The following TRIM5 variants were observed in gnomAD, a reference collection of about 807,000 sequenced individuals.
The protein encoded by TRIM5 is tripartite motif containing 5, also known as tripartite motif-containing protein 5.
A neutral mutation model predicts 35.6 loss-of-function variants in TRIM5; 31 were observed. The ratio of observed to expected loss-of-function variants is 0.87; its 90% confidence interval spans 0.65 to 1.18. TRIM5 has a LOEUF of 1.18. TRIM5 is among the 50% of genes most tolerant of loss of function. TRIM5 has a pLI of 0.00. For synonymous variants in TRIM5, 243 were observed against 215.6 expected, an observed-to-expected ratio of 1.13 and a Z score of -1.11; for missense variants, 609 against 591.6, an observed-to-expected ratio of 1.03 and a Z score of -0.31.
At chr11:5,611,161 C>T in the TRIM5 span, 8 of 1,614,136 alleles carry the variant, frequency 5.0e-6, no homozygotes, top group Middle Eastern at 1.6e-4. Context: ...ATGACAGTGC[C>T]CCCTCGCCGT....
chr11:5,594,206 C>G, the TRIM5 span, among the ~76,000 whole-genome samples: 2 of 152,210 alleles, frequency 1.3e-5, no homozygotes, highest in African/African-American at 4.8e-5. Flanking sequence ...CCCAATCTCC[C>G]TGTTCAAGAT....
At chr11:5,683,701 A>C (rs1590294416) in intron 1 of TRIM5, among the ~76,000 whole-genome samples, 1 of 152,118 alleles carries the variant, frequency 6.6e-6, no homozygotes, top group Admixed American at 6.5e-5. Context: ...GTATCTAGCT[A>C]ATCTAGTGGG....
the TRIM5 span, among the ~76,000 whole-genome samples, chr11:5,635,292 G>C: frequency 7.3e-6 from 1 of 137,128 alleles, no homozygotes. Flanking sequence ...GTCTCGCTCT[G>C]TCTCCCAGGC....
At chr11:5,660,055 C>T (rs1850761805), downstream of TRIM5, among the ~76,000 whole-genome samples, 1 of 152,104 alleles carries the variant, frequency 6.6e-6, no homozygotes, top group Non-Finnish European at 1.5e-5. Context: ...CGGCTCACTG[C>T]AACCTCTGCC....
chr11:5,599,672 G>A, the TRIM5 span, among the ~76,000 whole-genome samples: 1 of 151,906 alleles, frequency 6.6e-6, no homozygotes, highest in Non-Finnish European at 1.5e-5. Flanking sequence ...CAAAGTGCTG[G>A]GATTACAGGC....
chr11:5,603,488 G>A, the TRIM5 span: 2 of 1,614,096 alleles, frequency 1.2e-6, no homozygotes, highest in African/African-American at 2.7e-5. Context: ...TGCCCTGTGT[G>A]CCAGACCAGC....
chr11:5,627,456 C>T, the TRIM5 span, among the ~76,000 whole-genome samples: 1 of 152,052 alleles, frequency 6.6e-6, no homozygotes, highest in African/African-American at 2.4e-5. Flanking sequence ...GTGGTTTCTA[C>T]CAGAGTGGTG....
At chr11:5,637,905 G>A in the TRIM5 span, among the ~76,000 whole-genome samples, 9 of 152,262 alleles carry the variant, frequency 5.9e-5, no homozygotes, top group East Asian at 5.8e-4. Flanking sequence ...GGGCTACATG[G>A]TACTCATTAT....
At chr11:5,605,880 T>C in the TRIM5 span, among the ~76,000 whole-genome samples, 1 of 152,324 alleles carries the variant, frequency 6.6e-6, no homozygotes, top group South Asian at 2.1e-4. Flanking sequence ...CTATTTACAT[T>C]TCTGGCTGGA....
At chr11:5,633,412 T>C in the TRIM5 span, among the ~76,000 whole-genome samples, 1 of 152,146 alleles carries the variant, frequency 6.6e-6, no homozygotes, top group Non-Finnish European at 1.5e-5. Context: ...AATTTTTGTC[T>C]TGTTTTTTCC....
chr11:5,588,989 T>C, the TRIM5 span: 1 of 152,104 alleles, frequency 6.6e-6, no homozygotes, highest in Non-Finnish European at 1.5e-5. Flanking sequence ...TTTCACCATG[T>C]TGGCCAGGCT....
the TRIM5 span, among the ~76,000 whole-genome samples, chr11:5,593,317 T>C: frequency 6.6e-6 from 1 of 152,228 alleles, no homozygotes; most frequent in Non-Finnish European, 1.5e-5. Context: ...CTGGTAGTAA[T>C]GAGTTAAGAA....
intron 7 of TRIM5, 61 bp from the exon 8 acceptor site, chr11:5,665,456 GAA>G: frequency 6.5e-7 from 1 of 1,544,938 alleles, no homozygotes; most frequent in Non-Finnish European, 8.7e-7. Flanking sequence ...TGATATGAGA[GAA>G]ATCTTGATAA....
chr11:5,611,395 T>C, the TRIM5 span: 15 of 1,331,312 alleles, frequency 1.1e-5, no homozygotes, highest in Admixed American at 8.2e-5. Context: ...CTTATCAGCA[T>C]GTGATTCTCC....
chr11:5,652,411 T>C, the TRIM5 span, among the ~76,000 whole-genome samples: 1 of 152,238 alleles, frequency 6.6e-6, no homozygotes, highest in African/African-American at 2.4e-5. Context: ...AGCCCATTCA[T>C]TGAATAAGGG....
chr11:5,593,879 A>G, the TRIM5 span, among the ~76,000 whole-genome samples: 3 of 152,154 alleles, frequency 2.0e-5, no homozygotes, highest in East Asian at 3.8e-4. Context: ...TGGATGCATC[A>G]TATTACCCCA....
At chr11:5,660,646 C>T (rs1046296928), downstream of TRIM5, among the ~76,000 whole-genome samples, 17 of 151,790 alleles carry the variant, frequency 1.1e-4, 1 homozygote, top group Non-Finnish European at 1.8e-4. Flanking sequence ...ACCAAACTGC[C>T]GGATTTTTTT....
At chr11:5,629,285 A>C in the TRIM5 span, among the ~76,000 whole-genome samples, 6 of 152,168 alleles carry the variant, frequency 3.9e-5, no homozygotes, top group Admixed American at 1.3e-4. Flanking sequence ...TCAAAAAAAA[A>C]CAAAAACTAC....
the TRIM5 span, among the ~76,000 whole-genome samples, chr11:5,595,889 G>A: frequency 1.3e-5 from 2 of 152,034 alleles, no homozygotes; most frequent in Non-Finnish European, 2.9e-5. Context: ...CATCATGTTG[G>A]CCGGGATGGT....
Sources: gnomAD v4.1 joint callset for allele counts (sites outside exome capture counted in the v4.1 genomes callset) on GRCh38, gnomAD v4.1.1 for gene constraint, MANE v1.5 for transcripts, NCBI Gene and HGNC (gene_info 2026-07-23, HGNC 2026-07-21) for gene names.